NRF1: variants seen among roughly 807,000 people sequenced by gnomAD.
The protein encoded by NRF1 is alpha palindromic-binding protein.
NRF1 carries 5 observed loss-of-function variants against 58.5 expected under a neutral mutation model. The ratio of observed to expected loss-of-function variants is 0.09; its 90% CI spans 0.04 to 0.18. The LOEUF is 0.18. NRF1 is among the 10% of genes least tolerant of loss of function. The pLI, the probability that NRF1 is intolerant of heterozygous loss-of-function variation, is 1.00. For missense variants in NRF1, 288 were observed against 657.7 expected (o/e 0.44, Z 6.15); for synonymous variants, 224 against 246.7 (o/e 0.91, Z 0.86).
intron 5 of NRF1, among the ~76,000 whole-genome samples, chr7:129,693,332 A>T (rs1274097746): frequency 6.6e-6 from 1 of 152,216 alleles, no homozygotes; most frequent in Non-Finnish European, 1.5e-5. Flanking sequence ...TTATAAATAT[A>T]AACCTAAATA....
At position 129,631,383 on chromosome 7, in the gene NRF1, C is replaced by T. The variant is rs1305557702; in HGVS notation, c.-7+19559C>T. 2.0e-5 allele frequency among the ~76,000 whole-genome samples: 3 copies of T among 152,022 alleles called. No homozygotes were observed. The East Asian group carries it at 5.8e-4, about 29-fold the overall frequency. ...CACAAGCGTGCGCCACCATGCCTTC[C>T]TTCTTTTTAATTTTTTTGTAGAGAT... On this transcript the variant is annotated intron_variant, in intron 1 of 10. Coordinates refer to ENST00000393232, the MANE Select transcript of NRF1 (RefSeq NM_005011.5).
chr7:129,628,568 T>C (rs1289604513), intron 1 of NRF1, among the ~76,000 whole-genome samples: 7 of 152,210 alleles, frequency 4.6e-5, no homozygotes, highest in Admixed American at 3.9e-4. Flanking sequence ...TTTGCAAATC[T>C]CTTTAATGTC....
At chr7:129,748,741 T>C (rs1026573412) in intron 10 of NRF1, among the ~76,000 whole-genome samples, 2 of 152,272 alleles carry the variant, frequency 1.3e-5, no homozygotes, top group African/African-American at 2.4e-5. Flanking sequence ...AACATACTTA[T>C]TCATCCAATA....
At chr7:129,612,078 C>G (rs1463537079) in intron 1 of NRF1, among the ~76,000 whole-genome samples, 1 of 150,232 alleles carries the variant, frequency 6.7e-6, no homozygotes, top group East Asian at 1.9e-4. Context: ...AGGCGCTGCC[C>G]TCCCGAGAGC....
At chr7:129,614,035 T>G (rs1800604956) in intron 1 of NRF1, among the ~76,000 whole-genome samples, 1 of 152,244 alleles carries the variant, frequency 6.6e-6, no homozygotes, top group Non-Finnish European at 1.5e-5. Context: ...GACTTTTTGC[T>G]TAGTAGTCAG....
chr7:129,677,332 A>C (rs952920102), intron 3 of NRF1, among the ~76,000 whole-genome samples: 8 of 152,130 alleles, frequency 5.3e-5, no homozygotes, highest in African/African-American at 1.7e-4. Context: ...TAATCTTTAT[A>C]ATTGTAAGTA....
At chr7:129,618,489 G>C (rs569646073) in intron 1 of NRF1, among the ~76,000 whole-genome samples, 54 of 152,326 alleles carry the variant, frequency 3.5e-4, no homozygotes, top group Middle Eastern at 6.8e-3. Flanking sequence ...AAGGCCAGGA[G>C]TTCAAAACCA....
chr7:129,750,845 C>T (rs1286092158), intron 10 of NRF1, among the ~76,000 whole-genome samples: 1 of 152,158 alleles, frequency 6.6e-6, no homozygotes, highest in Non-Finnish European at 1.5e-5. Flanking sequence ...TCCAGAACAG[C>T]CTCATCACCC....
At chr7:129,648,965 T>G (rs1044024993) in intron 1 of NRF1, among the ~76,000 whole-genome samples, 3 of 152,150 alleles carry the variant, frequency 2.0e-5, no homozygotes, top group Non-Finnish European at 4.4e-5. Context: ...GGAGGGTATT[T>G]TTTTTCTTTC....
intron 7 of NRF1, 21 bp downstream of exon 7, chr7:129,710,592 C>T (rs751431554): frequency 5.5e-6 from 7 of 1,275,876 alleles, no homozygotes; most frequent in Non-Finnish European, 8.0e-6. Flanking sequence ...CTGAGGGCTA[C>T]CAGACTGTGG....
At chr7:129,628,309 C>A (rs759786365) in intron 1 of NRF1, among the ~76,000 whole-genome samples, 3 of 148,028 alleles carry the variant, frequency 2.0e-5, no homozygotes, top group Admixed American at 6.7e-5. Context: ...GGTTCTTAAT[C>A]TTTGCTCTCC....
rs370002442 is a variant in NRF1 at position 129,719,824 on chromosome 7, C to T, written c.1223+2448C>T. On this transcript the variant is annotated intron_variant, in intron 9 of 10. Coordinates refer to ENST00000393232, the MANE Select transcript of NRF1 (RefSeq NM_005011.5). ...TAGTCCAGTAACACCCCCCATTCTC[C>T]GCCCGACTGTAGCTTGGGGTCTAAC... 3.2e-4 allele frequency among the ~76,000 whole-genome samples: 48 copies of T among 152,246 alleles called. 1 individual carries two copies. In the South Asian group the frequency reaches 7.0e-3, roughly 22 times the overall value.
At chr7:129,745,992 C>T (rs1299713528) in intron 10 of NRF1, among the ~76,000 whole-genome samples, 1 of 152,180 alleles carries the variant, frequency 6.6e-6, no homozygotes, top group African/African-American at 2.4e-5. Flanking sequence ...TTCCAGAAAG[C>T]AGTTTTTCTT....
intron 1 of NRF1, among the ~76,000 whole-genome samples, chr7:129,618,428 C>T (rs1459878233): frequency 6.6e-6 from 1 of 152,160 alleles, no homozygotes; most frequent in East Asian, 1.9e-4. Flanking sequence ...AGGCATGGTG[C>T]CTCACACCTG....
intron 1 of NRF1, among the ~76,000 whole-genome samples, chr7:129,626,086 C>T (rs1048691372): frequency 3.3e-5 from 5 of 152,178 alleles, no homozygotes; most frequent in African/African-American, 1.2e-4. Flanking sequence ...TGCCACAGTG[C>T]TGGGATTACA....
intron 1 of NRF1, among the ~76,000 whole-genome samples, chr7:129,635,437 G>A (rs1168543332): frequency 1.3e-5 from 2 of 152,076 alleles, no homozygotes; most frequent in African/African-American, 2.4e-5. Flanking sequence ...AAAGAGGACC[G>A]AGCCTTTGCT....
intron 5 of NRF1, among the ~76,000 whole-genome samples, chr7:129,695,123 GTA>G (rs1802657454): frequency 6.6e-6 from 1 of 152,144 alleles, no homozygotes; most frequent in Admixed American, 6.6e-5. Context: ...TTTATATACT[GTA>G]ATTTGAGGAG....
At chr7:129,631,054 T>G (rs529197985) in intron 1 of NRF1, among the ~76,000 whole-genome samples, 62 of 152,288 alleles carry the variant, frequency 4.1e-4, no homozygotes, top group African/African-American at 1.3e-3. Context: ...ATTATAACTT[T>G]GAAGTTGATA....
intron 1 of NRF1, among the ~76,000 whole-genome samples, chr7:129,615,966 G>C (rs1225665068): frequency 1.3e-5 from 2 of 152,132 alleles, no homozygotes; most frequent in East Asian, 3.8e-4. Flanking sequence ...AGTTATTTTA[G>C]TGCAATATGG....
Sources: gnomAD v4.1 joint callset for allele counts (sites outside exome capture counted in the v4.1 genomes callset) on GRCh38, gnomAD v4.1.1 for gene constraint, MANE v1.5 for transcripts, NCBI Gene and HGNC (gene_info 2026-07-23, HGNC 2026-07-21) for gene names.